Variants in FRMD4B observed in about 807,000 individuals in gnomAD.
The protein encoded by FRMD4B is FERM domain containing 4B, also known as FERM domain-containing protein 4B.
A neutral mutation model predicts 141.5 loss-of-function variants in FRMD4B; 74 were observed. That is an observed-to-expected ratio of 0.52 (90% CI 0.43 to 0.63). The LOEUF is 0.63. Among genes scored for constraint, FRMD4B ranks in the 30% least tolerant of loss-of-function variants. The pLI, the probability that FRMD4B is intolerant of heterozygous loss-of-function variation, is 0.00. For synonymous variants in FRMD4B, 506 were observed against 467.9 expected, an observed-to-expected ratio of 1.08 and a Z score of -1.05; for missense variants, 1,366 against 1,253.4, an observed-to-expected ratio of 1.09 and a Z score of -1.36.
chr3:69,176,527 CT>C lies in FRMD4B; in HGVS notation c.2980del (p.Ser994AlafsTer40). 6.2e-7 allele frequency: 1 copy of C among 1,611,426 alleles called. No homozygotes were observed. The highest frequency in any genetic ancestry group is 2.2e-5 in the East Asian group (1 of 44,864). ...TTTTCGAGCATTGCTTCCTCACCTG[CT>C]TGGAGAGGGTAAAGGATTATAGACA... ...GNVYNPLPSP[S>X]RQYTEISQLD... On this transcript the variant is annotated frameshift_variant, in exon 22 of 23. Transcript: ENST00000398540. LOFTEE classifies it high-confidence loss of function.
chr3:69,341,809 G>A (rs191464995), intron 1 of FRMD4B, among the ~76,000 whole-genome samples: 1 of 152,216 alleles, frequency 6.6e-6, no homozygotes, highest in South Asian at 2.1e-4. Context: ...CTTTTGCCAT[G>A]AGAGGATATA....
At chr3:69,295,310 C>G (rs577652121) in intron 4 of FRMD4B, among the ~76,000 whole-genome samples, 3 of 152,220 alleles carry the variant, frequency 2.0e-5, no homozygotes, top group African/African-American at 7.2e-5. Flanking sequence ...ATTTGACTGT[C>G]AGCACTTGGG....
In FRMD4B at chr3:69,196,781, C is replaced by T. The variant is rs533607392; in HGVS notation, c.1092+119G>A. ...AAACCTGAAATAGTTGGAAGTTAAA[C>T]GCAAAAAAATCTCAGAGAGCAAAAA... is the stretch of plus-strand genomic sequence containing the variant. On this transcript the variant is annotated intron_variant, in intron 13 of 22. Coordinates refer to ENST00000398540, the MANE Select transcript of FRMD4B (RefSeq NM_015123.3). The T allele has an allele frequency of 9.2e-4, 663 of 720,870 alleles. 7 individuals are homozygous for T. Among genetic ancestry groups the T allele is most frequent in the South Asian group, 7.9e-3 (383 of 48,700 alleles). 44.7% of individuals were successfully genotyped at this position (720,870 alleles called of 1,614,324 possible).
chr3:69,344,694 G>T (rs1046676096), intron 1 of FRMD4B, among the ~76,000 whole-genome samples: 1 of 152,110 alleles, frequency 6.6e-6, no homozygotes. Flanking sequence ...CTTTATAGAC[G>T]ACCAGTTTCT....
At chr3:69,232,139 C>T (rs1003717250) in intron 7 of FRMD4B, among the ~76,000 whole-genome samples, 3 of 152,132 alleles carry the variant, frequency 2.0e-5, no homozygotes, top group Non-Finnish European at 4.4e-5. Flanking sequence ...CTTTCACCAG[C>T]AATAAATACA....
At chr3:69,345,836 C>T (rs923154487) in intron 1 of FRMD4B, among the ~76,000 whole-genome samples, 1 of 152,118 alleles carries the variant, frequency 6.6e-6, no homozygotes, top group Non-Finnish European at 1.5e-5. Context: ...ATCTGTACGT[C>T]ACCATCATCA....
intron 1 of FRMD4B, among the ~76,000 whole-genome samples, chr3:69,501,890 GACAA>G (rs781420389): frequency 5.9e-5 from 9 of 152,110 alleles, no homozygotes; most frequent in African/African-American, 1.7e-4. Flanking sequence ...ACCAAAAACA[GACAA>G]ACAGAGAGCC....
chr3:69,493,095 C>A (rs564331140), intron 1 of FRMD4B, among the ~76,000 whole-genome samples: 2 of 152,330 alleles, frequency 1.3e-5, no homozygotes, highest in South Asian at 4.1e-4. Context: ...GCCAACAATG[C>A]ACATTCCTTT....
chr3:69,197,545 C>G (rs981626542), intron 12 of FRMD4B, among the ~76,000 whole-genome samples: 3 of 110,010 alleles, frequency 2.7e-5, no homozygotes, highest in South Asian at 7.1e-4. Context: ...GCTGCTTGTA[C>G]ACCAGATGGA....
intron 5 of FRMD4B, among the ~76,000 whole-genome samples, chr3:69,268,584 A>G (rs1419767057): frequency 6.6e-6 from 1 of 151,980 alleles, no homozygotes; most frequent in Non-Finnish European, 1.5e-5. Flanking sequence ...ATGCAAAACT[A>G]TTTTTTCTCT....
chr3:69,277,826 G>A (rs960328389), intron 5 of FRMD4B, among the ~76,000 whole-genome samples: 1 of 150,366 alleles, frequency 6.7e-6, no homozygotes, highest in African/African-American at 2.4e-5. Flanking sequence ...CACAGCGCCC[G>A]TCCATTGAAC....
chr3:69,361,678 A>G (rs1703474815), intron 1 of FRMD4B, among the ~76,000 whole-genome samples: 1 of 152,206 alleles, frequency 6.6e-6, no homozygotes, highest in African/African-American at 2.4e-5. Context: ...TGTATTAGCA[A>G]TTCATTCATT....
intron 19 of FRMD4B, among the ~76,000 whole-genome samples, chr3:69,185,939 G>A (rs1032461034): frequency 8.5e-5 from 13 of 152,054 alleles, no homozygotes; most frequent in African/African-American, 2.9e-4. Flanking sequence ...CTACTTGGAA[G>A]GCTGAGGGGG....
At chr3:69,439,314 A>G (rs1298738424) in intron 1 of FRMD4B, among the ~76,000 whole-genome samples, 10 of 152,170 alleles carry the variant, frequency 6.6e-5, no homozygotes, top group Admixed American at 5.9e-4. Context: ...ACACATCCTC[A>G]TGATTCTCCT....
At chr3:69,212,373 A>AG (rs2093092119) in intron 11 of FRMD4B, among the ~76,000 whole-genome samples, 3 of 90,592 alleles carry the variant, frequency 3.3e-5, no homozygotes, top group African/African-American at 1.2e-4. Flanking sequence ...AAAAAAAAAA[A>AG]AAAAAAAGAA....
chr3:69,460,484 T>C (rs892988053), intron 1 of FRMD4B, among the ~76,000 whole-genome samples: 1 of 152,198 alleles, frequency 6.6e-6, no homozygotes, highest in African/African-American at 2.4e-5. Flanking sequence ...ACCGTATTTG[T>C]AAATGGAGGA....
intron 11 of FRMD4B, among the ~76,000 whole-genome samples, chr3:69,204,111 T>C (rs1305512274): frequency 6.6e-6 from 1 of 152,120 alleles, no homozygotes; most frequent in East Asian, 1.9e-4. Context: ...GGTCACGGCA[T>C]GCCCCACAGG....
intron 6 of FRMD4B, among the ~76,000 whole-genome samples, chr3:69,249,799 T>G (rs2093449406): frequency 2.0e-5 from 3 of 152,170 alleles, no homozygotes; most frequent in Admixed American, 1.3e-4. Context: ...GGAATATGGG[T>G]TTAATTCTTC....
intron 1 of FRMD4B, among the ~76,000 whole-genome samples, chr3:69,330,267 A>G (rs113595890): frequency 0.028 from 3,271 of 117,410 alleles, 109 homozygotes; most frequent in African/African-American, 0.11. Flanking sequence ...CAGCTGAGTG[A>G]CTCCTTTGTC....
Sources: allele counts gnomAD v4.1 joint callset (sites outside exome capture counted in the v4.1 genomes callset), GRCh38; gene constraint gnomAD v4.1.1; transcripts MANE v1.5; gene names NCBI Gene and HGNC (gene_info 2026-07-23, HGNC 2026-07-21).